The following SH2B3 variants were observed in gnomAD, a reference collection of about 807,000 sequenced individuals.
SH2B3 encodes the protein SH2B adapter protein 3.
Under a neutral mutation model 51.9 loss-of-function variants are expected in SH2B3, and 43 were observed. The ratio of observed to expected loss-of-function variants is 0.83; its 90% confidence interval spans 0.65 to 1.07. SH2B3 has a LOEUF of 1.07. SH2B3 is among the 50% of genes least tolerant of loss of function. The pLI is 0.00. For synonymous variants in SH2B3, 396 were observed against 376.0 expected (o/e 1.05, Z -0.62); for missense variants, 952 against 834.3 (o/e 1.14, Z -1.74).
intron 2 of SH2B3, among the ~76,000 whole-genome samples, chr12:111,428,672 T>A (rs997406592): frequency 6.6e-6 from 1 of 151,904 alleles, no homozygotes; most frequent in Non-Finnish European, 1.5e-5. Flanking sequence ...GTCTGATGAG[T>A]GACCCATCCC....
intron 2 of SH2B3, among the ~76,000 whole-genome samples, chr12:111,420,997 G>T (rs1461262100): frequency 6.6e-6 from 1 of 152,168 alleles, no homozygotes; most frequent in African/African-American, 2.4e-5. Context: ...CAACGCAAGT[G>T]ACCAGCACCC....
rs145791730 is a variant in SH2B3 at position 111,417,624 on chromosome 12, G to C, written c.-27-495G>C. Among the ~76,000 whole-genome samples the C allele has an allele frequency of 1.2e-3, 184 of 152,048 alleles. 1 individual carries two copies. The highest frequency in any genetic ancestry group is 1.6e-3 in the Non-Finnish European group (109 of 67,994). ...CGTGCTGCAATGCCAACTCATTTTTGTGTTGGTTTTTTTGGAGAGATGGGC... is the reference window on the plus strand; with the variant it reads ...CGTGCTGCAATGCCAACTCATTTTTCTGTTGGTTTTTTTGGAGAGATGGGC... On this transcript the variant is annotated intron_variant, in intron 1 of 7. Coordinates refer to ENST00000341259, the MANE Select transcript of SH2B3 (RefSeq NM_005475.3).
rs1356167898 is a variant in SH2B3, at chr12:111,448,797, C to G, written c.*495C>G. The G allele has an allele frequency of 6.4e-6, 1 of 156,466 alleles. No individual in the cohort carries two copies. The highest frequency in any genetic ancestry group is 1.9e-4 in the East Asian group (1 of 5,266). 9.7% of individuals were successfully genotyped at this position (156,466 alleles called of 1,614,324 possible). A position where few individuals can be genotyped will look rare whatever the true frequency, so the allele number is the denominator to read the frequency against. ...CACACCACAGATGACCACATCTAATCCTGCTTCTACTCTCAGCTTTAGGAC... is the reference window on the plus strand; with the variant it reads ...CACACCACAGATGACCACATCTAATGCTGCTTCTACTCTCAGCTTTAGGAC... On this transcript the variant is annotated 3_prime_UTR_variant, in exon 8 of 8. Transcript: ENST00000341259.
chr12:111,441,360 TAAAAAAA>T (rs35496164), intron 2 of SH2B3, among the ~76,000 whole-genome samples: 1 of 136,812 alleles, frequency 7.3e-6, no homozygotes, highest in Non-Finnish European at 1.6e-5. Flanking sequence ...CCCTATCTCT[TAAAAAAA>T]AAAAAAAAAA....
intron 2 of SH2B3, among the ~76,000 whole-genome samples, chr12:111,427,005 C>A (rs764249714): frequency 6.6e-6 from 1 of 152,056 alleles, no homozygotes; most frequent in Non-Finnish European, 1.5e-5. Context: ...CTGGCAGTTA[C>A]AAGAAAAGGA....
chr12:111,412,817 C>T (rs982362444), intron 1 of SH2B3, among the ~76,000 whole-genome samples: 3 of 152,136 alleles, frequency 2.0e-5, no homozygotes, highest in African/African-American at 4.8e-5. Flanking sequence ...GCAATCCTCC[C>T]GCCTTGGCCT....
At position 111,418,469 on chromosome 12, in the gene SH2B3, C is replaced by T. The variant is rs1157109030; in HGVS notation, c.324C>T (p.Pro108=). The change falls in exon 2 of 8, where the codon CCC becomes CCT. Residue 108 remains proline (P), a synonymous_variant. Coordinates refer to ENST00000341259, the MANE Select transcript of SH2B3 (RefSeq NM_005475.3). This position sits in a 1 kb window ranked among gnomAD's most constrained non-coding sequence, Gnocchi z 6.7. ...AKAEASPEPG[P]GPAAPGLPKA... is the part of the protein sequence containing the mutation. ...CCGAGGCGTCCCCGGAGCCAGGCCC[C>T]GGCCCCGCCGCCCCTGGCCTGCCCA... 4.4e-6 allele frequency: 6 copies of T among 1,358,964 alleles called. No individual in the cohort carries two copies. Among genetic ancestry groups the T allele is most frequent in the Middle Eastern group, 2.7e-4 (1 of 3,648 alleles). 84.2% of individuals were successfully genotyped at this position (1,358,964 alleles called of 1,614,324 possible).
In SH2B3 at chr12:111,420,676, A is replaced by T. The variant is rs770445441; in HGVS notation, c.732+1799A>T. ...TTCGACAGATATTTATGGAGCACCTACTATGTGTTAGGCACATGCTAGGTT... is the reference window on the plus strand; with the variant it reads ...TTCGACAGATATTTATGGAGCACCTTCTATGTGTTAGGCACATGCTAGGTT... On this transcript the variant is annotated intron_variant, in intron 2 of 7. Coordinates refer to ENST00000341259, the MANE Select transcript of SH2B3 (RefSeq NM_005475.3). 2.3e-4 allele frequency among the ~76,000 whole-genome samples: 35 copies of T among 152,152 alleles called. 1 individual carries two copies. Among genetic ancestry groups the T allele is most frequent in the Non-Finnish European group, 4.3e-4 (29 of 68,040 alleles).
rs753463437 is a variant in SH2B3 at position 111,447,016 on chromosome 12, G to T, written c.909G>T (p.Ser303=). 1 of 1,613,926 alleles carries T rather than the reference G, an allele frequency of 6.2e-7. No individual in the cohort carries two copies. Among genetic ancestry groups the T allele is most frequent in the South Asian group, 1.1e-5 (1 of 91,070 alleles). The change falls in exon 4 of 8, where the codon TCG becomes TCT. Residue 303 remains serine (S), a synonymous_variant. Transcript: ENST00000341259. ...TGAATTCATGGATGGCTGAGCTCTCGGAGTGCACAGGCCGAGGGTGAGGTC... is the reference window on the plus strand; with the variant it reads ...TGAATTCATGGATGGCTGAGCTCTCTGAGTGCACAGGCCGAGGGTGAGGTC... ...QQLNSWMAEL[S]ECTGRGLEST... is the part of the protein sequence containing the mutation.
chr12:111,428,169 G>A (rs1351599881), intron 2 of SH2B3, among the ~76,000 whole-genome samples: 1 of 152,258 alleles, frequency 6.6e-6, no homozygotes, highest in African/African-American at 2.4e-5. Context: ...CCAACACCGA[G>A]GCCTGGAGGG....
At chr12:111,428,247 G>A (rs1872165391) in intron 2 of SH2B3, among the ~76,000 whole-genome samples, 1 of 152,202 alleles carries the variant, frequency 6.6e-6, no homozygotes, top group Non-Finnish European at 1.5e-5. Context: ...GGCCTCTGAT[G>A]CCCAGCTTGG....
intron 2 of SH2B3, among the ~76,000 whole-genome samples, chr12:111,440,325 C>T (rs931492615): frequency 1.3e-5 from 2 of 152,238 alleles, no homozygotes; most frequent in Non-Finnish European, 2.9e-5. Context: ...GAGGCTTCTC[C>T]TTCATAAATC....
Position 111,429,260 on chromosome 12 carries a change from C to T in SH2B3, c.732+10383C>T, listed in dbSNP as rs1005375547. On this transcript the variant is annotated intron_variant, in intron 2 of 7. Coordinates refer to ENST00000341259, the MANE Select transcript of SH2B3 (RefSeq NM_005475.3). This position sits in a 1 kb window ranked among gnomAD's most constrained non-coding sequence, Gnocchi z 4.4. ...TCTGGGAAGCACCTAGAGCTGTGCC[C>T]AACACAGCCAGTGTTCGCTGGGGCC... Among the ~76,000 whole-genome samples, 2 of 152,178 alleles carry T rather than the reference C, an allele frequency of 1.3e-5. No homozygotes were observed. Among genetic ancestry groups the T allele is most frequent in the Non-Finnish European group, 2.9e-5 (2 of 68,020 alleles).
At chr12:111,442,328 GGTAA>G (rs1369322776) in intron 2 of SH2B3, among the ~76,000 whole-genome samples, 3 of 152,210 alleles carry the variant, frequency 2.0e-5, no homozygotes, top group Non-Finnish European at 4.4e-5. Flanking sequence ...AGGTTTCAAA[GGTAA>G]GTAAGTGGTA....
Position 111,407,135 on chromosome 12 carries a change from C to T in SH2B3, c.-28+858C>T, listed in dbSNP as rs1420505042. ...GAGGGTCTGCCTGCCTGTCCCGCTTCTTTTTTTCTTTAGTTTCCTCATTCT... is the reference window on the plus strand; with the variant it reads ...GAGGGTCTGCCTGCCTGTCCCGCTTTTTTTTTTCTTTAGTTTCCTCATTCT... On this transcript the variant is annotated intron_variant, in intron 1 of 7. Coordinates refer to ENST00000341259, the MANE Select transcript of SH2B3 (RefSeq NM_005475.3). The surrounding 1 kb of genome is among the most constrained non-coding windows in gnomAD (Gnocchi z 4.3). 6.6e-6 allele frequency among the ~76,000 whole-genome samples: 1 copy of T among 152,178 alleles called. No homozygotes were observed. The highest frequency in any genetic ancestry group is 2.4e-5 in the African/African-American group (1 of 41,454).
intron 2 of SH2B3, among the ~76,000 whole-genome samples, chr12:111,439,737 G>T (rs985205579): frequency 1.3e-5 from 2 of 152,140 alleles, no homozygotes; most frequent in Admixed American, 6.5e-5. Flanking sequence ...GCAGCATCGT[G>T]GGGGTGGAAA....
intron 2 of SH2B3, among the ~76,000 whole-genome samples, chr12:111,442,924 A>G (rs1329744515): frequency 6.6e-6 from 1 of 152,218 alleles, no homozygotes; most frequent in East Asian, 1.9e-4. Flanking sequence ...CTGAGGGCAA[A>G]GCCAGTAACA....
intron 2 of SH2B3, among the ~76,000 whole-genome samples, chr12:111,431,655 C>T (rs1422040804): frequency 3.3e-5 from 5 of 152,256 alleles, no homozygotes; most frequent in South Asian, 2.1e-4. Context: ...CATCTCGGCT[C>T]ATTGCATCCT....
rs1191575291 is a variant in SH2B3 at position 111,429,017 on chromosome 12, A to G, written c.732+10140A>G. Among the ~76,000 whole-genome samples, 38 of 103,978 alleles carry G rather than the reference A, an allele frequency of 3.7e-4. No individual in the cohort carries two copies. Among genetic ancestry groups the G allele is most frequent in the African/African-American group, 7.9e-5 (2 of 25,374 alleles). The allele number at this position is 103,978 out of a possible 152,430, so 68.2% of individuals were successfully genotyped here. On this transcript the variant is annotated intron_variant, in intron 2 of 7. Transcript: ENST00000341259. The surrounding 1 kb of genome is among the most constrained non-coding windows in gnomAD (Gnocchi z 4.4). Reference sequence around the variant, plus strand: ...GGTTTCCTCTCGGGGCAGGAGTGCGAGGAGGAGGAGGAGGAGGAGGAGGAG... The same window carrying G: ...GGTTTCCTCTCGGGGCAGGAGTGCGGGGAGGAGGAGGAGGAGGAGGAGGAG...
Sources: allele counts gnomAD v4.1 joint callset (sites outside exome capture counted in the v4.1 genomes callset), GRCh38; gene constraint gnomAD v4.1.1; non-coding constraint Gnocchi (gnomAD v3.1); transcripts MANE v1.5; gene names NCBI Gene and HGNC (gene_info 2026-07-23, HGNC 2026-07-21).